TBX1: variants seen among roughly 807,000 people sequenced by gnomAD.
The protein encoded by TBX1 is T-box transcription factor TBX1.
Under a neutral mutation model 40.8 loss-of-function variants are expected in TBX1, and 16 were observed. The ratio of observed to expected loss-of-function variants is 0.39; its 90% CI spans 0.27 to 0.60. The LOEUF is 0.60. Ranked by LOEUF, TBX1 falls within the 20% of genes least tolerant of loss-of-function variation. The pLI is 0.51. For synonymous variants in TBX1, 403 were observed against 336.8 expected, an observed-to-expected ratio of 1.20 and a Z score of -2.15; for missense variants, 755 against 728.5, an observed-to-expected ratio of 1.04 and a Z score of -0.42.
In TBX1 at chr22:19,767,192, C is replaced by T. The variant is rs906894290; in HGVS notation, c.*325C>T. The T allele has an allele frequency of 3.6e-6, 4 of 1,112,042 alleles. No individual in the cohort carries two copies. The African/African-American group carries it at 6.6e-5, about 18-fold the overall frequency. The allele number at this position is 1,112,042 out of a possible 1,614,324, so 68.9% of individuals were successfully genotyped here. A position where few individuals can be genotyped will look rare whatever the true frequency, so the allele number is the denominator to read the frequency against. The stretch of plus-strand genomic sequence containing the variant: ...ATATTTATTGTTCTCCCCGAGACCG[C>T]GTCGCCCGCGGCCCGGCCGGCAGTT... On this transcript the variant is annotated 3_prime_UTR_variant, in exon 7 of 7. Transcript: ENST00000649276.
intron 4 of TBX1, among the ~76,000 whole-genome samples, chr22:19,765,412 C>T (rs1936798555): frequency 6.6e-6 from 1 of 152,172 alleles, no homozygotes; most frequent in Admixed American, 6.5e-5. Context: ...CTGAGGTTTA[C>T]CCAGATTACT....
At chr22:19,759,510 C>A, upstream of TBX1, 1 of 1,514,552 alleles carries the variant, frequency 6.6e-7, no homozygotes, top group Non-Finnish European at 8.8e-7. Flanking sequence ...GCGCGGAGCC[C>A]GCTGTCTCCC....
At chr22:19,767,576 C>T (rs944314338), downstream of TBX1, among the ~76,000 whole-genome samples, 3 of 152,248 alleles carry the variant, frequency 2.0e-5, no homozygotes, top group South Asian at 2.1e-4. Context: ...GCACTCCCCC[C>T]ACCTTCCCAC....
intron 8 of TBX1, among the ~76,000 whole-genome samples, chr22:19,775,990 C>A (rs1330292501): frequency 6.6e-6 from 1 of 152,158 alleles, no homozygotes; most frequent in Admixed American, 6.5e-5. Context: ...CCGGAGCCAT[C>A]CCTGGAGGTG....
chr22:19,779,141 G>A, intron 8 of TBX1: 1 of 1,514,072 alleles, frequency 6.6e-7, no homozygotes. Context: ...GGACATTTGT[G>A]CAGTCTGATC....
chr22:19,779,635 C>A (rs182356468), downstream of TBX1: 128 of 1,039,012 alleles, frequency 1.2e-4, no homozygotes, highest in African/African-American at 1.9e-3. Context: ...TAAACATTGA[C>A]TGTAAACTCA....
At position 19,766,664 on chromosome 22, in the gene TBX1, G is replaced by T. The variant is rs962345052; in HGVS notation, c.1312G>T (p.Ala438Ser). 1 of 1,551,658 alleles carries T rather than the reference G, an allele frequency of 6.4e-7. No individual in the cohort carries two copies. Among genetic ancestry groups the T allele is most frequent in the Admixed American group, 1.8e-5 (1 of 55,586 alleles). Residue 438 changes from alanine to serine, a missense_variant, in exon 7 of 7, where the codon GCC becomes TCC. Ala to Ser is a moderately conservative substitution (Grantham distance 99). Coordinates refer to ENST00000649276, the MANE Select transcript of TBX1 (RefSeq NM_001379200.1). ...PAAAYDHYLG[A>S]KSRPAPYPLP... is the part of the protein sequence containing the mutation. ...CGCCGCCTACGACCACTATCTCGGG[G>T]CCAAGAGCCGGCCGGCGCCCTACCC...
downstream of TBX1, among the ~76,000 whole-genome samples, chr22:19,769,731 G>A (rs983652722): frequency 2.0e-5 from 3 of 152,276 alleles, no homozygotes; most frequent in Non-Finnish European, 4.4e-5. Context: ...TCACCCCCAA[G>A]GTGATGGTGG....
intron 8 of TBX1, among the ~76,000 whole-genome samples, chr22:19,777,672 T>C (rs1470089994): frequency 6.6e-6 from 1 of 152,136 alleles, no homozygotes; most frequent in Non-Finnish European, 1.5e-5. Flanking sequence ...TCGGTCCTTT[T>C]CGTCTCCCCC....
At chr22:19,763,169 C>T (rs974100229) in intron 1 of TBX1, 72 bp from the exon 2 acceptor site, 21 of 1,290,416 alleles carry the variant, frequency 1.6e-5, no homozygotes, top group Middle Eastern at 1.8e-4. Flanking sequence ...GCAGAGGGGC[C>T]GCCAGCCCCA....
downstream of TBX1, among the ~76,000 whole-genome samples, chr22:19,780,788 G>GTT (rs58810923): frequency 6.1e-5 from 8 of 130,778 alleles, no homozygotes; most frequent in South Asian, 2.4e-4. Flanking sequence ...TTTTTTTTTT[G>GTT]TTTTTTTTTT....
downstream of TBX1, among the ~76,000 whole-genome samples, chr22:19,780,975 G>A (rs1271324436): frequency 6.6e-6 from 1 of 151,900 alleles, no homozygotes; most frequent in African/African-American, 2.4e-5. Context: ...GTAGAGACGG[G>A]GTTTTACCAT....
chr22:19,763,426 G>A, intron 2 of TBX1, 84 bp downstream of exon 2: 2 of 1,300,798 alleles, frequency 1.5e-6, no homozygotes, highest in Non-Finnish European at 2.2e-6. Context: ...AACTCCAAGG[G>A]TCGTCTGCAC....
At chr22:19,756,874 T>G (rs1601275841), upstream of TBX1, 2 of 32,204 alleles carry the variant, frequency 6.2e-5, no homozygotes, top group Non-Finnish European at 1.2e-4. Flanking sequence ...GCACGACGGG[T>G]GGGGTGGCGG....
chr22:19,757,582 G>T (rs1455756376), upstream of TBX1, among the ~76,000 whole-genome samples: 2 of 152,128 alleles, frequency 1.3e-5, no homozygotes, highest in Non-Finnish European at 2.9e-5. Context: ...TGCCCCCACC[G>T]ACTGGCCCAG....
upstream of TBX1, among the ~76,000 whole-genome samples, chr22:19,759,036 A>C (rs1166966546): frequency 1.3e-5 from 2 of 151,966 alleles, no homozygotes; most frequent in African/African-American, 4.8e-5. Flanking sequence ...GGCCAAGGGC[A>C]GGGGCAGGGC....
chr22:19,770,628 T>C (rs1220229597), downstream of TBX1, among the ~76,000 whole-genome samples: 1 of 152,174 alleles, frequency 6.6e-6, no homozygotes, highest in African/African-American at 2.4e-5. Context: ...CCTGGTGGGC[T>C]TCAGGCCCCA....
chr22:19,779,080 G>A, intron 8 of TBX1: 2 of 992,612 alleles, frequency 2.0e-6, no homozygotes, highest in Non-Finnish European at 3.1e-6. Context: ...GGGCGGCTCG[G>A]CTCGTTGGGA....
At chr22:19,761,758 T>C (rs1323291121) in intron 1 of TBX1, among the ~76,000 whole-genome samples, 1 of 152,238 alleles carries the variant, frequency 6.6e-6, no homozygotes, top group East Asian at 1.9e-4. Flanking sequence ...CGGGCAACTC[T>C]CTGGACACTT....
Sources: allele counts gnomAD v4.1 joint callset (sites outside exome capture counted in the v4.1 genomes callset), GRCh38; gene constraint gnomAD v4.1.1; transcripts MANE v1.5; gene names NCBI Gene and HGNC (gene_info 2026-07-23, HGNC 2026-07-21).